The following THSD4 variants were observed in gnomAD, a reference collection of about 807,000 sequenced individuals.
THSD4 encodes the protein thrombospondin type 1 domain containing 4, also known as thrombospondin type-1 domain-containing protein 4.
A neutral mutation model predicts 119.0 loss-of-function variants in THSD4; 69 were observed. That is an observed-to-expected ratio of 0.58 (90% CI 0.48 to 0.71). The LOEUF (loss-of-function observed/expected upper bound fraction) is 0.71, where lower values mean the gene tolerates loss of function less well. Among genes scored for constraint, THSD4 ranks in the 30% least tolerant of loss-of-function variants. THSD4 has a pLI of 0.00. For missense variants in THSD4, 1,393 were observed against 1,391.1 expected (o/e 1.00, Z -0.02); for synonymous variants, 524 against 540.4 (o/e 0.97, Z 0.42).
intron 6 of THSD4, among the ~76,000 whole-genome samples, chr15:71,323,261 C>T (rs1373507980): frequency 1.3e-5 from 2 of 152,110 alleles, no homozygotes; most frequent in Non-Finnish European, 2.9e-5. Flanking sequence ...AGGCGCCAAT[C>T]GCAGGGGGCC....
chr15:71,495,439 C>T (rs1049611086), intron 7 of THSD4, among the ~76,000 whole-genome samples: 2 of 152,124 alleles, frequency 1.3e-5, no homozygotes, highest in African/African-American at 4.8e-5. Flanking sequence ...AATATTCATT[C>T]CCTCCCTCTC....
chr15:71,215,314 A>G lies in THSD4; in HGVS notation c.379A>G (p.Thr127Ala). ...CGACGAGACGCCAGCGCTGGCCGGTACGGACGCCAGCCGCCAGGGCCCCAC... is the reference window on the plus strand; with the variant it reads ...CGACGAGACGCCAGCGCTGGCCGGTGCGGACGCCAGCCGCCAGGGCCCCAC... The part of the protein sequence containing the change: ...SRDETPALAG[T>A]DASRQGPTVL... The change falls in exon 4 of 18, where the codon ACG becomes GCG. Residue 127 changes from threonine to alanine, a missense_variant. Transcript: ENST00000261862. 3.3e-6 allele frequency: 5 copies of G among 1,529,176 alleles called. No homozygotes were observed. The highest frequency in any genetic ancestry group is 2.6e-6 in the Non-Finnish European group (3 of 1,144,278). 94.7% of individuals were successfully genotyped at this position (1,529,176 alleles called of 1,614,324 possible).
intron 8 of THSD4, among the ~76,000 whole-genome samples, chr15:71,702,854 A>T (rs1301317826): frequency 1.3e-5 from 2 of 152,144 alleles, no homozygotes; most frequent in Non-Finnish European, 2.9e-5. Context: ...CCCTCAAAGG[A>T]GGCAGAGTCC....
intron 3 of THSD4, among the ~76,000 whole-genome samples, chr15:71,180,168 A>T (rs568733572): frequency 3.3e-3 from 91 of 27,538 alleles, no homozygotes; most frequent in Admixed American, 0.01. Context: ...AAAAAAAAAA[A>T]AATAAAAAAA....
chr15:71,739,108 A>C (rs1225370993), intron 11 of THSD4, among the ~76,000 whole-genome samples: 6 of 152,070 alleles, frequency 3.9e-5, no homozygotes, highest in East Asian at 1.9e-4. Context: ...GAAAAAAAAA[A>C]AAAAAACAAA....
intron 6 of THSD4, among the ~76,000 whole-genome samples, chr15:71,329,044 C>G (rs2045386074): frequency 6.6e-6 from 1 of 152,174 alleles, no homozygotes; most frequent in South Asian, 2.1e-4. Context: ...TAGCTTCAAG[C>G]CAAGCCAGGG....
At chr15:71,526,162 T>A (rs1442658448) in intron 7 of THSD4, among the ~76,000 whole-genome samples, 1 of 152,188 alleles carries the variant, frequency 6.6e-6, no homozygotes, top group African/African-American at 2.4e-5. Context: ...GAGTTTCATT[T>A]TGTTCTGATT....
rs34326932 is a variant in THSD4, at chr15:71,379,450, CTTTTTTTTTT to C, written c.1016-32220_1016-32211del. On this transcript the variant is annotated intron_variant, in intron 6 of 17. Coordinates refer to ENST00000261862, the MANE Select transcript of THSD4 (RefSeq NM_024817.3). ...GACAAATTACTGAAGCAAATGGCTT[CTTTTTTTTTT>C]TTTTTTTTTTTTTTTTGAGATGGAG... Among the ~76,000 whole-genome samples the C allele has an allele frequency of 2.8e-4, 22 of 77,562 alleles. 1 individual carries two copies. The highest frequency in any genetic ancestry group is 4.1e-4 in the Non-Finnish European group (17 of 41,194). The allele number at this position is 77,562 out of a possible 152,430, so 50.9% of individuals were successfully genotyped here.
At chr15:71,164,803 A>T (rs2043278010) in intron 3 of THSD4, 1 of 1,590,434 alleles carries the variant, frequency 6.3e-7, no homozygotes, top group Non-Finnish European at 8.5e-7. Flanking sequence ...CTTCATCTTC[A>T]TCTTCTTCAT....
At chr15:71,365,010 G>A (rs983842803) in intron 6 of THSD4, among the ~76,000 whole-genome samples, 5 of 151,902 alleles carry the variant, frequency 3.3e-5, no homozygotes, top group African/African-American at 1.2e-4. Flanking sequence ...TATTGTTTTG[G>A]CACCTAAAAC....
At chr15:71,774,566 TTAA>T (rs2053880619) in intron 17 of THSD4, among the ~76,000 whole-genome samples, 1 of 152,174 alleles carries the variant, frequency 6.6e-6, no homozygotes, top group African/African-American at 2.4e-5. Flanking sequence ...TACCTTTGAC[TTAA>T]TAATTTCACT....
chr15:71,455,954 C>T (rs1272804924), intron 7 of THSD4, among the ~76,000 whole-genome samples: 3 of 152,198 alleles, frequency 2.0e-5, no homozygotes, highest in African/African-American at 7.2e-5. Flanking sequence ...CTTTCTGAGC[C>T]TGTCCGAAAG....
chr15:71,107,916 T>A (rs2040280792), intron 1 of THSD4, among the ~76,000 whole-genome samples: 1 of 152,216 alleles, frequency 6.6e-6, no homozygotes, highest in African/African-American at 2.4e-5. Flanking sequence ...GTCATAAGGC[T>A]AGTACCCAGA....
chr15:71,660,587 T>C lies in THSD4; in HGVS notation c.1210T>C (p.Cys404Arg), dbSNP rs751396024. 1 of 1,614,130 alleles carries C rather than the reference T, an allele frequency of 6.2e-7. No homozygotes were observed. The highest frequency in any genetic ancestry group is 8.5e-7 in the Non-Finnish European group (1 of 1,180,010). The stretch of plus-strand genomic sequence containing the variant: ...CAAAGTCGTGGACAAATGTGGGGTG[T>C]GTGGAGGAGACAACACGGGCTGTCA... Reference protein sequence around the residue: ...SDKVVDKCGVCGGDNTGCQVV... With the variant: ...SDKVVDKCGVRGGDNTGCQVV... Residue 404 changes from cysteine to arginine, a missense_variant, in exon 8 of 18, where the codon TGT becomes CGT. Transcript: ENST00000261862.
At chr15:71,470,334 TG>T (rs2047557899) in intron 7 of THSD4, among the ~76,000 whole-genome samples, 1 of 152,226 alleles carries the variant, frequency 6.6e-6, no homozygotes. Context: ...TGAGAATTTT[TG>T]TTTCTTTCCT....
chr15:71,150,933 G>A (rs74021943), intron 2 of THSD4, among the ~76,000 whole-genome samples: 1 of 152,190 alleles, frequency 6.6e-6, no homozygotes, highest in Non-Finnish European at 1.5e-5. Flanking sequence ...AGCAGCCACT[G>A]TGCTAGGTGC....
At chr15:71,147,962 C>T (rs1404124904) in intron 2 of THSD4, among the ~76,000 whole-genome samples, 1 of 99,732 alleles carries the variant, frequency 1.0e-5, no homozygotes, top group Non-Finnish European at 1.8e-5. Flanking sequence ...GAGCAAGACT[C>T]TGTCTCAAAA....
Position 71,765,796 on chromosome 15 carries a change from G to C in THSD4, c.2769+597G>C, listed in dbSNP as rs995923112. Among the ~76,000 whole-genome samples, 211 of 124,780 alleles carry C rather than the reference G, an allele frequency of 1.7e-3. 1 individual carries two copies. The highest frequency in any genetic ancestry group is 0.01 in the East Asian group (49 of 4,884). 81.9% of individuals were successfully genotyped at this position (124,780 alleles called of 152,430 possible). On this transcript the variant is annotated intron_variant, in intron 16 of 17. Coordinates refer to ENST00000261862, the MANE Select transcript of THSD4 (RefSeq NM_024817.3). ...ACACACACGCACACACTCTCTGTGTGTGTGTGTGTGTGTGTGTGTGTGTGT... is the reference window on the plus strand; with the variant it reads ...ACACACACGCACACACTCTCTGTGTCTGTGTGTGTGTGTGTGTGTGTGTGT...
chr15:71,420,031 T>C (rs2046792124), intron 7 of THSD4, among the ~76,000 whole-genome samples: 1 of 108,794 alleles, frequency 9.2e-6, no homozygotes, highest in African/African-American at 3.1e-5. Flanking sequence ...GTTTCTTTGC[T>C]GATTTTCTGT....
Sources: gnomAD v4.1 joint callset for allele counts (sites outside exome capture counted in the v4.1 genomes callset) on GRCh38, gnomAD v4.1.1 for gene constraint, MANE v1.5 for transcripts, NCBI Gene and HGNC (gene_info 2026-07-23, HGNC 2026-07-21) for gene names.